ANK2: variants seen among roughly 807,000 people sequenced by gnomAD.
The protein encoded by ANK2 is ankyrin 2.
Under a neutral mutation model 360.5 loss-of-function variants are expected in ANK2, and 83 were observed. That is an observed-to-expected ratio of 0.23 (90% CI 0.19 to 0.28). The LOEUF (loss-of-function observed/expected upper bound fraction) is 0.28. ANK2 is among the 10% of genes least tolerant of loss of function. ANK2 has a pLI of 1.00. For synonymous variants in ANK2, 1,740 were observed against 1,759.5 expected (o/e 0.99, Z 0.28); for missense variants, 4,201 against 4,795.7 (o/e 0.88, Z 3.66).
chr4:113,249,441 C>G (rs2044864019), intron 9 of ANK2, among the ~76,000 whole-genome samples: 3 of 152,212 alleles, frequency 2.0e-5, no homozygotes, highest in Admixed American at 6.5e-5. Flanking sequence ...TGTGCTTTCC[C>G]ATCTTCTTGA....
chr4:113,252,651 C>T (rs945202788), intron 10 of ANK2, among the ~76,000 whole-genome samples: 1 of 152,264 alleles, frequency 6.6e-6, no homozygotes, highest in South Asian at 2.1e-4. Flanking sequence ...AACCCCAATT[C>T]CGAAATTCTT....
At chr4:113,266,322 A>G (rs1028729942) in intron 14 of ANK2, among the ~76,000 whole-genome samples, 4 of 152,182 alleles carry the variant, frequency 2.6e-5, no homozygotes, top group African/African-American at 9.7e-5. Context: ...TCCATGGTGT[A>G]TATGTGCCAC....
At chr4:113,131,971 G>C (rs1003740169) in intron 1 of ANK2, among the ~76,000 whole-genome samples, 6 of 152,150 alleles carry the variant, frequency 3.9e-5, no homozygotes, top group African/African-American at 1.4e-4. Flanking sequence ...TCCTCTTTGA[G>C]CTGAATTATC....
At chr4:113,110,932 T>G (rs2094223199) in intron 1 of ANK2, among the ~76,000 whole-genome samples, 1 of 152,162 alleles carries the variant, frequency 6.6e-6, no homozygotes. Context: ...TAATATTACA[T>G]TTTGCCATTT....
chr4:112,713,727 C>T, the ANK2 span, among the ~76,000 whole-genome samples: 3 of 151,596 alleles, frequency 2.0e-5, no homozygotes, highest in Admixed American at 1.3e-4. Flanking sequence ...GTCAGGAGAT[C>T]GAGACCATCC....
chr4:112,970,592 A>G (rs11722823), intron 2 of ANK2, among the ~76,000 whole-genome samples: 50,551 of 151,992 alleles, frequency 0.33, 8,972 homozygotes, highest in African/African-American at 0.46. Flanking sequence ...CTGACCTTGT[A>G]ATCTGCCTGC....
chr4:112,958,477 G>A (rs1369461062), intron 2 of ANK2, among the ~76,000 whole-genome samples: 1 of 152,154 alleles, frequency 6.6e-6, no homozygotes, highest in Non-Finnish European at 1.5e-5. Context: ...GCCTGCAATC[G>A]CAGGCACTCG....
At chr4:113,327,802 T>A (rs1469908148) in intron 26 of ANK2, among the ~76,000 whole-genome samples, 1 of 152,198 alleles carries the variant, frequency 6.6e-6, no homozygotes, top group Admixed American at 6.5e-5. Context: ...TTCTGTATCC[T>A]CAGTTCTTAG....
chr4:113,162,784 T>A (rs2097582633), intron 1 of ANK2, among the ~76,000 whole-genome samples: 1 of 151,208 alleles, frequency 6.6e-6, no homozygotes, highest in Non-Finnish European at 1.5e-5. Flanking sequence ...TTTGAGGGGA[T>A]GAATCATGTT....
Position 113,355,133 on chromosome 4 carries a change from G to T in ANK2, c.6515G>T (p.Ser2172Ile). The T allele has an allele frequency of 1.2e-6, 2 of 1,614,114 alleles. No individual in the cohort carries two copies. Among genetic ancestry groups the T allele is most frequent in the Middle Eastern group, 3.3e-4 (2 of 6,060 alleles). The change falls in exon 38 of 46, where the codon AGT (serine) becomes ATT (isoleucine). Residue 2172 changes from serine (S) to isoleucine (I), a missense_variant. This residue lies in a region of ANK2 where 2,642 missense variants were observed against 2,714.5 expected (regional missense o/e 0.97). Coordinates refer to ENST00000357077, the MANE Select transcript of ANK2 (RefSeq NM_001148.6). ...AQLHLDQVLT[S>I]PFNTTFPLDY... ...CTTCACTTAGACCAAGTACTCACTA[G>T]TCCTTTCAACACAACATTTCCACTC...
At chr4:112,792,033 C>CTTTT in the ANK2 span, among the ~76,000 whole-genome samples, 1,245 of 65,812 alleles carry the variant, frequency 0.019, no homozygotes, top group Non-Finnish European at 0.023. Flanking sequence ...CACATCCTTT[C>CTTTT]TTTTTTTTTT....
chr4:113,081,439 C>T (rs557673575), intron 1 of ANK2, among the ~76,000 whole-genome samples: 5 of 152,108 alleles, frequency 3.3e-5, no homozygotes, highest in Non-Finnish European at 7.4e-5. Context: ...GAATTAATCA[C>T]GAATTCAACT....
chr4:113,315,620 C>T (rs1231216327), intron 24 of ANK2, among the ~76,000 whole-genome samples: 2 of 152,056 alleles, frequency 1.3e-5, no homozygotes, highest in Admixed American at 6.6e-5. Flanking sequence ...TGATCTAGCC[C>T]GGGCATAGTG....
At chr4:113,244,015 A>G (rs1380604769) in intron 9 of ANK2, among the ~76,000 whole-genome samples, 3 of 152,192 alleles carry the variant, frequency 2.0e-5, no homozygotes, top group Non-Finnish European at 4.4e-5. Context: ...TGTGGCTTAC[A>G]TATATTTGGG....
intron 1 of ANK2, among the ~76,000 whole-genome samples, chr4:113,136,148 G>T (rs1011077491): frequency 6.6e-6 from 1 of 151,912 alleles, no homozygotes; most frequent in African/African-American, 2.4e-5. Flanking sequence ...GCTATATAGG[G>T]GCACTATCAG....
At chr4:113,365,331 G>C in intron 41 of ANK2, 149 bp downstream of exon 41, 1 of 841,386 alleles carries the variant, frequency 1.2e-6, no homozygotes, top group East Asian at 2.7e-5. Context: ...TCTTTTCCTT[G>C]CTACCCTGAG....
intron 4 of ANK2, among the ~76,000 whole-genome samples, chr4:113,204,255 T>A (rs1301791873): frequency 6.6e-6 from 1 of 151,784 alleles, no homozygotes; most frequent in East Asian, 1.9e-4. Flanking sequence ...ATATAATGTA[T>A]ATTTTTACAT....
chr4:113,335,000 A>G (rs2093299987), intron 29 of ANK2, among the ~76,000 whole-genome samples: 2 of 152,092 alleles, frequency 1.3e-5, no homozygotes, highest in African/African-American at 4.8e-5. Context: ...AATAATCAAG[A>G]AAAACGTAGT....
intron 2 of ANK2, among the ~76,000 whole-genome samples, chr4:113,177,322 A>AG (rs1387803528): frequency 6.6e-6 from 1 of 151,864 alleles, no homozygotes; most frequent in South Asian, 2.1e-4. Context: ...CCTCGTGATC[A>AG]GCCCGCCTCG....
Sources: allele counts gnomAD v4.1 joint callset (sites outside exome capture counted in the v4.1 genomes callset), GRCh38; gene constraint gnomAD v4.1.1; regional missense constraint gnomAD v4.1.1; transcripts MANE v1.5; gene names NCBI Gene and HGNC (gene_info 2026-07-23, HGNC 2026-07-21).